Variants in RSRP1 observed in about 807,000 individuals in gnomAD.
RSRP1 encodes the protein arginine and serine rich protein 1, also known as arginine/serine-rich protein 1.
Under a neutral mutation model 33.0 loss-of-function variants are expected in RSRP1, and 37 were observed. The ratio of observed to expected loss-of-function variants is 1.12; its 90% CI spans 0.86 to 1.48. The LOEUF (loss-of-function observed/expected upper bound fraction) is 1.48, where lower values mean the gene tolerates loss of function less well. RSRP1 is among the 40% of genes most tolerant of loss of function. The pLI, the probability that RSRP1 is intolerant of heterozygous loss-of-function variation, is 0.00. For synonymous variants in RSRP1, 167 were observed against 158.7 expected, an observed-to-expected ratio of 1.05 and a Z score of -0.40; for missense variants, 402 against 385.3, an observed-to-expected ratio of 1.04 and a Z score of -0.36.
intron 1 of RSRP1, chr1:25,307,830 G>T (rs1557550601): frequency 7.7e-7 from 1 of 1,302,090 alleles, no homozygotes; most frequent in East Asian, 2.5e-5. Flanking sequence ...AGACATCCTT[G>T]CTTGGGATGA....
intron 3 of RSRP1, chr1:25,244,294 C>T: frequency 7.8e-7 from 1 of 1,288,168 alleles, no homozygotes; most frequent in Non-Finnish European, 1.0e-6. Flanking sequence ...CAACGTGTAC[C>T]TTTGCTTAGT....
intron 1 of RSRP1, among the ~76,000 whole-genome samples, chr1:25,308,202 A>T (rs1643951127): frequency 8.4e-6 from 1 of 118,744 alleles, no homozygotes; most frequent in Non-Finnish European, 2.0e-5. Context: ...CAAGATTGTT[A>T]GTAACACTGT....
At chr1:25,255,576 G>A (rs946849391) in intron 1 of RSRP1, among the ~76,000 whole-genome samples, 3 of 152,174 alleles carry the variant, frequency 2.0e-5, no homozygotes, top group African/African-American at 4.8e-5. Context: ...ACAGCTGGGG[G>A]TGGGGGGTTG....
At position 25,315,995 on chromosome 1, in the gene RSRP1, G is replaced by C. The variant is rs573263807; in HGVS notation, c.-67+21983C>G. On this transcript the variant is annotated intron_variant, in intron 1 of 1. Coordinates refer to the RSRP1 transcript ENST00000561867. ...TGGAGCTTTGCTTTGTCTTAAAAAT[G>C]AGAACATGAGCTGCCCACCTGTTGA... Among the ~76,000 whole-genome samples, 165 of 131,392 alleles carry C rather than the reference G, an allele frequency of 1.3e-3. 42 individuals are homozygous for C. The highest frequency in any genetic ancestry group is 7.4e-3 in the South Asian group (32 of 4,322). 86.2% of individuals were successfully genotyped at this position (131,392 alleles called of 152,430 possible).
intron 1 of RSRP1, among the ~76,000 whole-genome samples, chr1:25,320,990 G>A (rs532707784): frequency 2.3e-5 from 3 of 131,602 alleles, no homozygotes; most frequent in Non-Finnish European, 5.4e-5. Flanking sequence ...GCTGCAATGA[G>A]CTGTGATTGT....
intron 1 of RSRP1, among the ~76,000 whole-genome samples, chr1:25,280,126 T>C (rs1641345127): frequency 7.8e-6 from 1 of 128,390 alleles, no homozygotes; most frequent in African/African-American, 2.7e-5. Flanking sequence ...TGTCAACAGC[T>C]CATGGAAACT....
At chr1:25,252,453 A>G (rs760970), upstream of RSRP1, among the ~76,000 whole-genome samples, 140,217 of 152,122 alleles carry the variant, frequency 0.92, 64,791 homozygotes, top group East Asian at 1. Context: ...GCAACAGCCT[A>G]GGCTCCAGAG....
At chr1:25,244,359 T>A (rs952243922) in intron 3 of RSRP1, 1 of 1,288,728 alleles carries the variant, frequency 7.8e-7, no homozygotes, top group African/African-American at 1.5e-5. Flanking sequence ...AATTCTAGCA[T>A]GCACATGGAT....
At chr1:25,264,214 C>T (rs910208732) in intron 1 of RSRP1, among the ~76,000 whole-genome samples, 1 of 151,982 alleles carries the variant, frequency 6.6e-6, no homozygotes, top group African/African-American at 2.4e-5. Flanking sequence ...AGGTGGTGCC[C>T]CAGTAGGGAC....
At chr1:25,303,214 A>G in intron 1 of RSRP1, 1 of 1,019,242 alleles carries the variant, frequency 9.8e-7, no homozygotes, top group Non-Finnish European at 1.5e-6. Flanking sequence ...TCAGCAAAGC[A>G]GGGAGGATGT....
chr1:25,268,963 A>G (rs1464303287), intron 1 of RSRP1, among the ~76,000 whole-genome samples: 1 of 129,540 alleles, frequency 7.7e-6, no homozygotes, highest in Middle Eastern at 4.1e-3. Context: ...AAAAAAAAAA[A>G]AATAGGGCAG....
At chr1:25,257,625 G>A (rs1639988993) in intron 1 of RSRP1, among the ~76,000 whole-genome samples, 1 of 140,882 alleles carries the variant, frequency 7.1e-6, no homozygotes, top group Non-Finnish European at 1.5e-5. Context: ...TTTTGAGTCA[G>A]AGTCTCGCCC....
At chr1:25,271,456 G>A (rs1335830091) in intron 1 of RSRP1, among the ~76,000 whole-genome samples, 1 of 131,860 alleles carries the variant, frequency 7.6e-6, no homozygotes, top group African/African-American at 2.6e-5. Flanking sequence ...TTTATTCTCT[G>A]GGGCTCCACA....
chr1:25,244,046 A>G, intron 3 of RSRP1: 1 of 1,193,762 alleles, frequency 8.4e-7, no homozygotes, highest in Non-Finnish European at 1.1e-6. Context: ...ACACAGATTC[A>G]TTTAGATACA....
rs1161748447 is a variant in RSRP1, at chr1:25,306,493, C to T, written c.-67+31485G>A. 8.2e-6 allele frequency: 9 copies of T among 1,095,994 alleles called. 2 individuals are homozygous for T. Among genetic ancestry groups the T allele is most frequent in the Non-Finnish European group, 1.2e-5 (9 of 727,744 alleles). The allele number at this position is 1,095,994 out of a possible 1,614,324, so 67.9% of individuals were successfully genotyped here. ...GCTTCTTTGAGGTGAGCCTTAGTGC[C>T]CATCCCCCTTTGGTGGCCCCGGATA... On this transcript the variant is annotated intron_variant, in intron 1 of 1. Coordinates refer to the RSRP1 transcript ENST00000561867.
At position 25,268,607 on chromosome 1, in the gene RSRP1, C is replaced by G. The variant is rs769918934; in HGVS notation, c.-66-21578G>C. Among the ~76,000 whole-genome samples, 2 of 130,374 alleles carry G rather than the reference C, an allele frequency of 1.5e-5. 1 individual carries two copies. Among genetic ancestry groups the G allele is most frequent in the Non-Finnish European group, 3.6e-5 (2 of 55,174 alleles). The allele number at this position is 130,374 out of a possible 152,430, so 85.5% of individuals were successfully genotyped here. ...AAACTAAAAGGGGAACACAAGGAAC[C>G]CTTGTCAAGGGGAGAAGAAAGGGGA... is the stretch of plus-strand genomic sequence containing the variant. On this transcript the variant is annotated intron_variant, in intron 1 of 1. Transcript: ENST00000561867.
rs1642343058 is a variant in RSRP1, at chr1:25,289,889, C to T, written c.-66-42860G>A. On this transcript the variant is annotated intron_variant, in intron 1 of 1. Transcript: ENST00000561867. ...ATAATTTTCTACTCCTGAGCATGCT[C>T]ATTGGTCAAAGGAAGGAAGGAATCA... Among the ~76,000 whole-genome samples the T allele has an allele frequency of 3.1e-5, 4 of 128,646 alleles. 2 individuals carry two copies. The highest frequency in any genetic ancestry group is 3.0e-4 in the Admixed American group (4 of 13,270). The allele number at this position is 128,646 out of a possible 152,430, so 84.4% of individuals were successfully genotyped here. A position where few individuals can be genotyped will look rare whatever the true frequency, so the allele number is the denominator to read the frequency against.
rs141540728 is a variant in RSRP1, at chr1:25,301,539, G to C, written c.-67+36439C>G. ...CCCCAGGCGCCCTCTTCTTGTGGAT[G>C]TTCTGGCCAAGTTTCAACTCTGCTC... On this transcript the variant is annotated intron_variant, in intron 1 of 1. Coordinates refer to the RSRP1 transcript ENST00000561867. The C allele has an allele frequency of 2.4e-3, 3,375 of 1,378,450 alleles. 574 individuals are homozygous for C. In the African/African-American group the frequency reaches 0.042, roughly 17 times the overall value. 85.4% of individuals were successfully genotyped at this position (1,378,450 alleles called of 1,614,324 possible). A position where few individuals can be genotyped will look rare whatever the true frequency, so the allele number is the denominator to read the frequency against.
At chr1:25,299,145 G>C (rs1643184864) in intron 1 of RSRP1, among the ~76,000 whole-genome samples, 1 of 127,222 alleles carries the variant, frequency 7.9e-6, no homozygotes, top group African/African-American at 2.7e-5. Context: ...GCTTTGGGAG[G>C]CCAAGGCGGA....
Sources: gnomAD v4.1 joint callset for allele counts (sites outside exome capture counted in the v4.1 genomes callset) on GRCh38, gnomAD v4.1.1 for gene constraint, MANE v1.5 for transcripts, NCBI Gene and HGNC (gene_info 2026-07-23, HGNC 2026-07-21) for gene names.